The following DTNA variants were observed in gnomAD, a reference collection of about 807,000 sequenced individuals.
The protein encoded by DTNA is dystrophin-related protein 3.
DTNA carries 43 observed loss-of-function variants against 100.7 expected under a neutral mutation model. The ratio of observed to expected loss-of-function variants is 0.43; its 90% confidence interval spans 0.33 to 0.55. DTNA has a LOEUF of 0.55. DTNA is among the 20% of genes least tolerant of loss of function. The probability of loss-of-function intolerance (pLI) is 0.04; values close to 1 mark genes in which losing one functional copy is unlikely to be tolerated. For synonymous variants in DTNA, 349 were observed against 347.9 expected (o/e 1.00, Z -0.04); for missense variants, 798 against 953.9 (o/e 0.84, Z 2.15).
At chr18:34,760,983 T>C (rs2093116938) in intron 2 of DTNA, among the ~76,000 whole-genome samples, 3 of 152,196 alleles carry the variant, frequency 2.0e-5, no homozygotes, top group African/African-American at 7.2e-5. Context: ...TCCCTGTTTG[T>C]ACCTTACTTA....
chr18:34,820,683 A>G (rs2095692377), intron 8 of DTNA, 108 bp from the exon 9 acceptor site: 1 of 1,557,504 alleles, frequency 6.4e-7, no homozygotes, highest in Non-Finnish European at 8.7e-7. Flanking sequence ...TCAGCACTGA[A>G]AAAGGATTTC....
At chr18:34,794,319 T>C in intron 4 of DTNA, 69 bp downstream of exon 4, 2 of 1,566,128 alleles carry the variant, frequency 1.3e-6, no homozygotes, top group East Asian at 2.2e-5. Context: ...ACTTGGTCTT[T>C]TTCCCAAACA....
chr18:34,835,749 T>C (rs2149678074), intron 11 of DTNA, among the ~76,000 whole-genome samples: 1 of 152,346 alleles, frequency 6.6e-6, no homozygotes, highest in South Asian at 2.1e-4. Flanking sequence ...CCATAGAAGT[T>C]CACCAGAATA....
intron 1 of DTNA, among the ~76,000 whole-genome samples, chr18:34,669,163 A>C (rs538398245): frequency 1.2e-3 from 187 of 152,038 alleles, no homozygotes; most frequent in Middle Eastern, 3.4e-3. Flanking sequence ...TTAAATCGAT[A>C]CCTTTACCAT....
chr18:34,710,360 A>G lies in DTNA; in HGVS notation c.-87A>G, dbSNP rs1452420872. On this transcript the variant is annotated 5_prime_UTR_variant, in exon 1 of 23. Coordinates refer to ENST00000444659, the MANE Select transcript of DTNA (RefSeq NM_001386795.1). The stretch of plus-strand genomic sequence containing the variant: ...CTTTGGAGTTTGTTTGGAAATGTGT[A>G]AGGTCAAATACTATAGTTTTCAGCA... 6.6e-6 allele frequency: 1 copy of G among 152,204 alleles called. No individual in the cohort carries two copies. Among genetic ancestry groups the G allele is most frequent in the Non-Finnish European group, 1.5e-5 (1 of 68,050 alleles). The allele number at this position is 152,204 out of a possible 1,614,324, so 9.4% of individuals were successfully genotyped here.
intron 1 of DTNA, among the ~76,000 whole-genome samples, chr18:34,735,855 G>C (rs757644759): frequency 2.3e-4 from 35 of 152,070 alleles, no homozygotes; most frequent in South Asian, 6.2e-4. Flanking sequence ...TAACTGTTAA[G>C]GTGTACTCTT....
At chr18:34,801,921 A>G (rs2095229351) in intron 4 of DTNA, among the ~76,000 whole-genome samples, 1 of 152,226 alleles carries the variant, frequency 6.6e-6, no homozygotes, top group Non-Finnish European at 1.5e-5. Flanking sequence ...TCACAAAGAA[A>G]GACTTACATG....
At chr18:34,696,403 C>A (rs2080546209) in intron 1 of DTNA, among the ~76,000 whole-genome samples, 1 of 151,976 alleles carries the variant, frequency 6.6e-6, no homozygotes, top group African/African-American at 2.4e-5. Context: ...ATAGTGGAAC[C>A]CCCGTCTCTA....
At chr18:34,622,734 AC>A (rs1382420856) in intron 1 of DTNA, among the ~76,000 whole-genome samples, 2 of 152,102 alleles carry the variant, frequency 1.3e-5, no homozygotes, top group Admixed American at 1.3e-4. Context: ...TTTTAGACTT[AC>A]GTTATTCCTC....
intron 1 of DTNA, among the ~76,000 whole-genome samples, chr18:34,554,335 C>T (rs1475535570): frequency 3.5e-5 from 5 of 143,356 alleles, no homozygotes; most frequent in Non-Finnish European, 6.1e-5. Flanking sequence ...GACAATTTGA[C>T]TTCCTCTTTT....
At chr18:34,793,568 C>T (rs1192387285) in intron 3 of DTNA, among the ~76,000 whole-genome samples, 1 of 152,138 alleles carries the variant, frequency 6.6e-6, no homozygotes, top group African/African-American at 2.4e-5. Flanking sequence ...TTTAAATACT[C>T]AAATATAATT....
chr18:34,560,654 C>A (rs2046549533), intron 1 of DTNA, among the ~76,000 whole-genome samples: 1 of 152,050 alleles, frequency 6.6e-6, no homozygotes, highest in Admixed American at 6.6e-5. Flanking sequence ...TCCTGTAATC[C>A]CAGCACTTTG....
At chr18:34,623,689 G>T (rs184669895) in intron 1 of DTNA, among the ~76,000 whole-genome samples, 1 of 152,104 alleles carries the variant, frequency 6.6e-6, no homozygotes, top group African/African-American at 2.4e-5. Context: ...TGTGGCAGGC[G>T]GTGTGCTATG....
At chr18:34,661,600 A>C (rs760266515) in intron 1 of DTNA, among the ~76,000 whole-genome samples, 1 of 152,192 alleles carries the variant, frequency 6.6e-6, no homozygotes, top group Non-Finnish European at 1.5e-5. Flanking sequence ...TAATCAGACA[A>C]AGGATGAGTT....
intron 1 of DTNA, among the ~76,000 whole-genome samples, chr18:34,586,715 T>A (rs919281453): frequency 1.3e-5 from 2 of 152,232 alleles, no homozygotes; most frequent in African/African-American, 4.8e-5. Context: ...AAAATTTGTA[T>A]ATTTTCATTT....
intron 7 of DTNA, among the ~76,000 whole-genome samples, chr18:34,816,405 G>C (rs565379539): frequency 3.2e-4 from 48 of 151,686 alleles, no homozygotes; most frequent in Non-Finnish European, 6.8e-4. Context: ...TGGGAGAAAT[G>C]AGAAAAAAAA....
At chr18:34,756,929 T>A (rs1204869083) in intron 2 of DTNA, among the ~76,000 whole-genome samples, 1 of 152,130 alleles carries the variant, frequency 6.6e-6, no homozygotes, top group Non-Finnish European at 1.5e-5. Flanking sequence ...CCTTTTTCCC[T>A]AAGAAGGCAG....
intron 1 of DTNA, among the ~76,000 whole-genome samples, chr18:34,712,597 A>G (rs2083122428): frequency 1.3e-5 from 2 of 152,122 alleles, no homozygotes; most frequent in South Asian, 2.1e-4. Flanking sequence ...ATTCTTTTAT[A>G]GTTGTTTTGG....
chr18:34,718,269 T>G (rs1477196522), intron 1 of DTNA, among the ~76,000 whole-genome samples: 1 of 152,218 alleles, frequency 6.6e-6, no homozygotes, highest in Non-Finnish European at 1.5e-5. Flanking sequence ...TTTGGGGATG[T>G]AATGTAACTG....
Sources: gnomAD v4.1 joint callset for allele counts (sites outside exome capture counted in the v4.1 genomes callset) on GRCh38, gnomAD v4.1.1 for gene constraint, MANE v1.5 for transcripts, NCBI Gene and HGNC (gene_info 2026-07-23, HGNC 2026-07-21) for gene names.